KRT23: variants seen among roughly 807,000 people sequenced by gnomAD.
The protein encoded by KRT23 is keratin 23.
KRT23 carries 38 observed loss-of-function variants against 47.6 expected under a neutral mutation model. That is an observed-to-expected ratio of 0.80 (90% confidence interval 0.62 to 1.05). The LOEUF (loss-of-function observed/expected upper bound fraction) is 1.05, where lower values mean the gene tolerates loss of function less well. KRT23 is among the 50% of genes least tolerant of loss of function. The pLI, the probability that KRT23 is intolerant of heterozygous loss-of-function variation, is 0.00. For missense variants in KRT23, 503 were observed against 529.5 expected (o/e 0.95, Z 0.49); for synonymous variants, 191 against 199.0 (o/e 0.96, Z 0.34).
intron 8 of KRT23, among the ~76,000 whole-genome samples, chr17:40,924,002 T>C (rs1909077794): frequency 6.6e-6 from 1 of 152,240 alleles, no homozygotes; most frequent in African/African-American, 2.4e-5. Flanking sequence ...TTCAAAGCAG[T>C]ACCTGTTCCA....
intron 3 of KRT23, 102 bp downstream of exon 3, chr17:40,931,271 A>G: frequency 1.2e-6 from 1 of 807,988 alleles, no homozygotes; most frequent in Non-Finnish European, 2.1e-6. Context: ...TGGCCTCCCA[A>G]AGTGCTGGGA....
chr17:40,934,883 G>A (rs1016916686), intron 2 of KRT23, among the ~76,000 whole-genome samples: 2 of 152,162 alleles, frequency 1.3e-5, no homozygotes, highest in Non-Finnish European at 2.9e-5. Flanking sequence ...AGGATGCCTA[G>A]GTACATAATA....
rs570803610 is a variant in KRT23, at chr17:40,922,972, G to A, written c.*17C>T. On this transcript the variant is annotated 3_prime_UTR_variant, in exon 9 of 9. Transcript: ENST00000209718. ...GGGGAAAATAGATTTTACAACAGGC[G>A]GAAACTTTCATTGGTCTCATGCGTG... 128 of 1,587,924 alleles carry A rather than the reference G, an allele frequency of 8.1e-5. 2 individuals carry two copies. The East Asian group carries it at 1.3e-3, about 16-fold the overall frequency.
intron 2 of KRT23, among the ~76,000 whole-genome samples, chr17:40,935,882 C>A (rs753704112): frequency 1.3e-5 from 2 of 152,210 alleles, no homozygotes; most frequent in Non-Finnish European, 2.9e-5. Context: ...CATTAAACAG[C>A]AGCTGGTTGC....
At chr17:40,930,651 C>G (rs1432548541) in intron 3 of KRT23, among the ~76,000 whole-genome samples, 2 of 151,732 alleles carry the variant, frequency 1.3e-5, no homozygotes, top group African/African-American at 4.8e-5. Context: ...ATAGTCCCAG[C>G]TACTTGGGAG....
At chr17:40,929,463 A>G (rs1013629092) in intron 4 of KRT23, among the ~76,000 whole-genome samples, 2 of 152,268 alleles carry the variant, frequency 1.3e-5, no homozygotes, top group African/African-American at 4.8e-5. Context: ...CTATCATTTT[A>G]TCAGAGTCTT....
At position 40,936,484 on chromosome 17, in the gene KRT23, TC is replaced by T. The variant is rs748265990; in HGVS notation, c.119del (p.Gly40GlufsTer29). The T allele has an allele frequency of 6.4e-7, 1 of 1,567,674 alleles. No individual in the cohort carries two copies. The highest frequency in any genetic ancestry group is 8.6e-7 in the Non-Finnish European group (1 of 1,156,700). ...RAPTVHGGAG[G>X]ARISLSFTTR... ...TGGTGAAGGACAGGGAGATGCGGGCTCCCCCCGCACCGCCATGGACGGTGGG... is the reference window on the plus strand; with the variant it reads ...TGGTGAAGGACAGGGAGATGCGGGCTCCCCCGCACCGCCATGGACGGTGGG... On this transcript the variant is annotated frameshift_variant, in exon 2 of 9. Transcript: ENST00000209718. LOFTEE classifies it high-confidence loss of function.
chr17:40,928,301 G>GTCACCGTGGATT lies in KRT23; in HGVS notation c.857_858insAATCCACGGTGA (p.Gly285_Asp286insGluIleHisGly). ...GGAATGTGCGCTTCAGTTCGTGGAT[G>GTCACCGTGGATT]TCACCTTGTCTGCTCTGCACAGTGG... On this transcript the variant is annotated inframe_insertion, in exon 6 of 9. Transcript: ENST00000209718. 1 of 1,614,190 alleles carries GTCACCGTGGATT rather than the reference G, an allele frequency of 6.2e-7. No homozygotes were observed. Among genetic ancestry groups the GTCACCGTGGATT allele is most frequent in the Non-Finnish European group, 8.5e-7 (1 of 1,180,038 alleles).
rs754009419 is a variant in KRT23 at position 40,922,964 on chromosome 17, C to T, written c.*25G>A. 1 of 1,561,000 alleles carries T rather than the reference C, an allele frequency of 6.4e-7. No individual in the cohort carries two copies. Among genetic ancestry groups the T allele is most frequent in the East Asian group, 2.2e-5 (1 of 44,616 alleles). ...TTTCCTTGGGGGAAAATAGATTTTA[C>T]AACAGGCGGAAACTTTCATTGGTCT... On this transcript the variant is annotated 3_prime_UTR_variant, in exon 9 of 9. Transcript: ENST00000209718.
intron 4 of KRT23, 112 bp from the exon 5 acceptor site, chr17:40,928,719 G>T: frequency 1.0e-6 from 1 of 953,888 alleles, no homozygotes; most frequent in Non-Finnish European, 1.6e-6. Flanking sequence ...TTATGTGGTT[G>T]CTCCCACTGT....
At chr17:40,926,289 T>A (rs1909218848) in intron 6 of KRT23, among the ~76,000 whole-genome samples, 1 of 152,202 alleles carries the variant, frequency 6.6e-6, no homozygotes, top group South Asian at 2.1e-4. Flanking sequence ...ATCTCCTAAC[T>A]GTGCTGGATA....
chr17:40,933,169 T>TCTATATG (rs1240054244), intron 2 of KRT23, among the ~76,000 whole-genome samples: 1 of 152,224 alleles, frequency 6.6e-6, no homozygotes, highest in African/African-American at 2.4e-5. Context: ...ATCCCCAGGT[T>TCTATATG]CTATATGCTG....
intron 6 of KRT23, among the ~76,000 whole-genome samples, chr17:40,927,734 T>C (rs142033754): frequency 2.6e-4 from 39 of 152,300 alleles, no homozygotes; most frequent in African/African-American, 8.7e-4. Flanking sequence ...GGCAGTGCTT[T>C]GGAGTTAGCC....
chr17:40,928,661 A>T, intron 4 of KRT23, 54 bp from the exon 5 acceptor site: 2 of 1,537,732 alleles, frequency 1.3e-6, no homozygotes, highest in Non-Finnish European at 1.8e-6. Flanking sequence ...AGAAGGCTGG[A>T]TTGCCATGTT....
intron 4 of KRT23, among the ~76,000 whole-genome samples, chr17:40,928,924 G>A (rs918576642): frequency 6.6e-6 from 1 of 151,372 alleles, no homozygotes; most frequent in South Asian, 2.1e-4. Flanking sequence ...CTACTTGGGA[G>A]GCTGAGGCAG....
chr17:40,936,694 A>G lies in KRT23; in HGVS notation c.-91T>C. ...GCCCCAGACTGCCCTGGATGGTTTT[A>G]TGGCCTTTGCTGTGGGAGTTCCCTT... is the stretch of plus-strand genomic sequence containing the variant. On this transcript the variant is annotated 5_prime_UTR_variant, in exon 2 of 9. It removes the in-frame stop codon of an upstream open reading frame in the 5' UTR. Coordinates refer to ENST00000209718, the MANE Select transcript of KRT23 (RefSeq NM_015515.5). 2 of 1,253,962 alleles carry G rather than the reference A, an allele frequency of 1.6e-6. No homozygotes were observed. Among genetic ancestry groups the G allele is most frequent in the South Asian group, 2.2e-5 (1 of 46,356 alleles). The allele number at this position is 1,253,962 out of a possible 1,614,324, so 77.7% of individuals were successfully genotyped here. A position where few individuals can be genotyped will look rare whatever the true frequency, so the allele number is the denominator to read the frequency against.
chr17:40,934,781 G>C (rs1019740197), intron 2 of KRT23, among the ~76,000 whole-genome samples: 3 of 152,060 alleles, frequency 2.0e-5, no homozygotes, highest in Admixed American at 6.5e-5. Flanking sequence ...TTCCTTACAG[G>C]GTTCTTGCAG....
chr17:40,934,271 T>C (rs941158055), intron 2 of KRT23, among the ~76,000 whole-genome samples: 2 of 152,198 alleles, frequency 1.3e-5, no homozygotes, highest in African/African-American at 4.8e-5. Context: ...CAACCTCAAC[T>C]TTAAAGAGTT....
At position 40,922,983 on chromosome 17, in the gene KRT23, T is replaced by A. The variant is rs747316547; in HGVS notation, c.*6A>T. The stretch of plus-strand genomic sequence containing the variant: ...ATTTTACAACAGGCGGAAACTTTCA[T>A]TGGTCTCATGCGTGCTTTTGGATTT... On this transcript the variant is annotated 3_prime_UTR_variant, in exon 9 of 9. Coordinates refer to ENST00000209718, the MANE Select transcript of KRT23 (RefSeq NM_015515.5). 2 of 1,606,368 alleles carry A rather than the reference T, an allele frequency of 1.2e-6. No homozygotes were observed. The highest frequency in any genetic ancestry group is 1.7e-6 in the Non-Finnish European group (2 of 1,173,016).
Sources: allele counts gnomAD v4.1 joint callset (sites outside exome capture counted in the v4.1 genomes callset), GRCh38; gene constraint gnomAD v4.1.1; transcripts MANE v1.5; gene names NCBI Gene and HGNC (gene_info 2026-07-23, HGNC 2026-07-21).